Variants in SYNJ1 observed in about 807,000 individuals in gnomAD.
The protein encoded by SYNJ1 is polyphosphatidylinositol phosphatase SYNJ1.
SYNJ1 carries 78 observed loss-of-function variants against 168.2 expected under a neutral mutation model. The ratio of observed to expected loss-of-function variants is 0.46; its 90% CI spans 0.39 to 0.56. The LOEUF (loss-of-function observed/expected upper bound fraction) is 0.56. SYNJ1 is among the 20% of genes least tolerant of loss of function. The pLI, the probability that SYNJ1 is intolerant of heterozygous loss-of-function variation, is 0.00. For missense variants in SYNJ1, 1,303 were observed against 1,597.6 expected (o/e 0.82, Z 3.14); for synonymous variants, 539 against 548.6 (o/e 0.98, Z 0.24).
chr21:32,650,405 TAA>T lies in SYNJ1; in HGVS notation c.2875-61_2875-60del, dbSNP rs2145810802. The T allele has an allele frequency of 3.3e-6, 5 of 1,493,610 alleles. No individual in the cohort carries two copies. The Admixed American group carries it at 6.5e-5, about 19-fold the overall frequency. 92.5% of individuals were successfully genotyped at this position (1,493,610 alleles called of 1,614,324 possible). A position where few individuals can be genotyped will look rare whatever the true frequency, so the allele number is the denominator to read the frequency against. ...AACATGAAAGCTAACTAATTTGGAA[TAA>T]AGAGGCTGACTTCGTTAAACTATGC... On this transcript the variant is annotated intron_variant, in intron 22 of 32. Transcript: ENST00000674351.
intron 4 of SYNJ1, among the ~76,000 whole-genome samples, chr21:32,697,391 T>C (rs1024620784): frequency 1.3e-5 from 2 of 152,076 alleles, no homozygotes; most frequent in Admixed American, 6.6e-5. Context: ...ATGAGCAAAA[T>C]TCACCTTTGG....
chr21:32,665,881 T>G, intron 17 of SYNJ1, 62 bp downstream of exon 17: 1 of 1,457,302 alleles, frequency 6.9e-7, no homozygotes, highest in Non-Finnish European at 9.1e-7. Context: ...TGATGTAGAA[T>G]TTGGGGCAAA....
chr21:32,635,076 G>A (rs2039505330), intron 31 of SYNJ1, among the ~76,000 whole-genome samples, 192 bp from the exon 32 acceptor site: 1 of 152,168 alleles, frequency 6.6e-6, no homozygotes, highest in Non-Finnish European at 1.5e-5. Flanking sequence ...TTGAATTAGG[G>A]TCCAGACTTT....
In SYNJ1 at chr21:32,639,719, C is replaced by T; in HGVS notation, c.3649G>A (p.Gly1217Arg). Residue 1217 changes from glycine to arginine, a missense_variant, in exon 30 of 33, where the codon GGA becomes AGA. Gly to Arg is a moderately radical substitution (Grantham distance 125). Transcript: ENST00000674351. ...CTTTGGCTTTCAGGAGTCAGTCTTC[C>T]AGCAGATGCCCGCGCGTGGCTCTGT... is the stretch of plus-strand genomic sequence containing the variant. ...APQSHARASA[G>R]RLTPESQSKT... The T allele has an allele frequency of 3.1e-6, 5 of 1,614,148 alleles. No homozygotes were observed. Among genetic ancestry groups the T allele is most frequent in the South Asian group, 1.1e-5 (1 of 91,080 alleles).
chr21:32,648,197 A>G (rs2040144668), intron 23 of SYNJ1, among the ~76,000 whole-genome samples: 1 of 151,906 alleles, frequency 6.6e-6, no homozygotes. Context: ...TTCCATTAGC[A>G]CTGTGCATTC....
chr21:32,723,062 G>C (rs1431393587), intron 2 of SYNJ1, among the ~76,000 whole-genome samples: 1 of 152,214 alleles, frequency 6.6e-6, no homozygotes, highest in African/African-American at 2.4e-5. Flanking sequence ...AGTAGTATTT[G>C]TAAAAGCTGC....
intron 16 of SYNJ1, 139 bp from the exon 17 acceptor site, chr21:32,666,274 G>C: frequency 1.4e-6 from 2 of 1,409,234 alleles, no homozygotes; most frequent in South Asian, 2.8e-5. Context: ...GTACAGTGAA[G>C]CTATTGGTGA....
chr21:32,632,706 C>T (rs568598308), intron 32 of SYNJ1, among the ~76,000 whole-genome samples: 19 of 152,230 alleles, frequency 1.2e-4, no homozygotes, highest in African/African-American at 3.6e-4. Context: ...TTAATGTAAG[C>T]TCTCCTTTGT....
intron 3 of SYNJ1, 97 bp from the exon 4 acceptor site, chr21:32,700,202 A>AAT: frequency 7.2e-7 from 1 of 1,386,820 alleles, no homozygotes. Flanking sequence ...TGACATTGTG[A>AAT]TTATTTTAAA....
chr21:32,713,125 T>A (rs562855691), intron 2 of SYNJ1, among the ~76,000 whole-genome samples: 1 of 152,376 alleles, frequency 6.6e-6, no homozygotes, highest in African/African-American at 2.4e-5. Flanking sequence ...CATGGATGAT[T>A]TCCCATATGT....
At chr21:32,662,580 A>G in intron 18 of SYNJ1, among the ~76,000 whole-genome samples, 1 of 152,190 alleles carries the variant, frequency 6.6e-6, no homozygotes, top group East Asian at 1.9e-4. Flanking sequence ...ATTAGCCAAA[A>G]CAGAAGAAAA....
chr21:32,708,406 T>C (rs1041198117), intron 2 of SYNJ1, among the ~76,000 whole-genome samples: 1 of 152,184 alleles, frequency 6.6e-6, no homozygotes, highest in Admixed American at 6.5e-5. Context: ...TTTTTTCCCC[T>C]CCTATTCATG....
chr21:32,655,503 G>C (rs74944443), intron 21 of SYNJ1, among the ~76,000 whole-genome samples: 1 of 152,276 alleles, frequency 6.6e-6, no homozygotes, highest in East Asian at 1.9e-4. Flanking sequence ...GAAAGGACTT[G>C]AGGTGTCTTT....
intron 1 of SYNJ1, among the ~76,000 whole-genome samples, chr21:32,727,596 TCGACTGCCCGGG>T (rs1460478837): frequency 2.0e-5 from 3 of 150,332 alleles, no homozygotes; most frequent in African/African-American, 7.3e-5. Flanking sequence ...TCCCGGGCAG[TCGACTGCCCGGG>T]AAAGCGGCTC....
At chr21:32,684,879 C>A (rs1245204290) in intron 9 of SYNJ1, among the ~76,000 whole-genome samples, 2 of 151,780 alleles carry the variant, frequency 1.3e-5, no homozygotes, top group Non-Finnish European at 2.9e-5. Flanking sequence ...GTTATTGATA[C>A]ATGTTAAGAC....
chr21:32,668,062 T>C (rs1487399860), intron 15 of SYNJ1, among the ~76,000 whole-genome samples: 1 of 151,590 alleles, frequency 6.6e-6, no homozygotes, highest in Non-Finnish European at 1.5e-5. Context: ...TGTGTGTATA[T>C]ATATATACAT....
chr21:32,702,986 T>C (rs2042465062), intron 2 of SYNJ1, among the ~76,000 whole-genome samples: 1 of 152,270 alleles, frequency 6.6e-6, no homozygotes, highest in African/African-American at 2.4e-5. Flanking sequence ...CTGCTTTGCC[T>C]AATACTCCTT....
chr21:32,697,382 T>C (rs756994214), intron 4 of SYNJ1, among the ~76,000 whole-genome samples: 1 of 152,090 alleles, frequency 6.6e-6, no homozygotes, highest in Non-Finnish European at 1.5e-5. Flanking sequence ...AATTGTAAAA[T>C]GAGCAAAATT....
At chr21:32,701,791 G>C (rs1042991100) in intron 3 of SYNJ1, among the ~76,000 whole-genome samples, 170 bp downstream of exon 3, 2 of 152,042 alleles carry the variant, frequency 1.3e-5, no homozygotes, top group Non-Finnish European at 2.9e-5. Flanking sequence ...ACGCCTTTTT[G>C]GGCAACAAAC....
Sources: allele counts gnomAD v4.1 joint callset (sites outside exome capture counted in the v4.1 genomes callset), GRCh38; gene constraint gnomAD v4.1.1; transcripts MANE v1.5; gene names NCBI Gene and HGNC (gene_info 2026-07-23, HGNC 2026-07-21).